LRP1B: variants seen among roughly 807,000 people sequenced by gnomAD.
LRP1B encodes the protein low-density lipoprotein receptor-related protein 1B.
Under a neutral mutation model 556.6 loss-of-function variants are expected in LRP1B, and 217 were observed. The observed-to-expected ratio is 0.39, with a 90% CI of 0.35 to 0.44. The LOEUF (loss-of-function observed/expected upper bound fraction) is 0.44, where lower values mean the gene tolerates loss of function less well. Ranked by LOEUF, LRP1B falls within the 20% of genes least tolerant of loss-of-function variation. The pLI, the probability that LRP1B is intolerant of heterozygous loss-of-function variation, is 1.00. For synonymous variants in LRP1B, 2,047 were observed against 1,865.8 expected (o/e 1.10, Z -2.50); for missense variants, 5,053 against 5,620.8 (o/e 0.90, Z 3.23).
At chr2:141,762,568 C>T (rs1347037653) in intron 2 of LRP1B, among the ~76,000 whole-genome samples, 1 of 151,442 alleles carries the variant, frequency 6.6e-6, no homozygotes, top group Non-Finnish European at 1.5e-5. Context: ...TTTTTTTACT[C>T]CGTATAGTGT....
At chr2:141,643,928 T>C (rs1427798916) in intron 2 of LRP1B, among the ~76,000 whole-genome samples, 1 of 152,020 alleles carries the variant, frequency 6.6e-6, no homozygotes, top group East Asian at 1.9e-4. Context: ...AGAATAGGTT[T>C]AGAACATCAA....
At chr2:141,731,284 T>G (rs981615103) in intron 2 of LRP1B, among the ~76,000 whole-genome samples, 12 of 152,100 alleles carry the variant, frequency 7.9e-5, no homozygotes, top group Non-Finnish European at 1.8e-4. Context: ...TGTCTGGGCC[T>G]GCTTGAATCT....
chr2:141,275,355 C>A (rs1244519236), intron 3 of LRP1B, among the ~76,000 whole-genome samples: 2 of 152,100 alleles, frequency 1.3e-5, no homozygotes, highest in Admixed American at 1.3e-4. Context: ...TCTAAGCAAA[C>A]AAAATATTCA....
At chr2:141,137,252 A>C (rs1574112713) in intron 7 of LRP1B, among the ~76,000 whole-genome samples, 1 of 151,982 alleles carries the variant, frequency 6.6e-6, no homozygotes, top group African/African-American at 2.4e-5. Flanking sequence ...AAATTAGGTT[A>C]TATGTTAGTT....
At chr2:141,471,021 A>G (rs1212554913) in intron 3 of LRP1B, among the ~76,000 whole-genome samples, 3 of 152,130 alleles carry the variant, frequency 2.0e-5, no homozygotes, top group African/African-American at 7.2e-5. Flanking sequence ...TTTCATTTAC[A>G]CAAACTACAT....
At chr2:140,651,526 T>TAAAAAAAAAA (rs558677783) in intron 41 of LRP1B, among the ~76,000 whole-genome samples, 7 of 107,022 alleles carry the variant, frequency 6.5e-5, no homozygotes, top group Admixed American at 1.0e-4. Flanking sequence ...ATACAAAAAT[T>TAAAAAAAAAA]AAAAAAAAAA....
chr2:140,999,785 T>G (rs1697359603), intron 15 of LRP1B, among the ~76,000 whole-genome samples: 1 of 151,982 alleles, frequency 6.6e-6, no homozygotes, highest in South Asian at 2.1e-4. Context: ...AAGAAGAAAC[T>G]ACATAAGGCA....
At chr2:141,519,022 ACT>A (rs1346302093) in intron 2 of LRP1B, among the ~76,000 whole-genome samples, 1 of 83,948 alleles carries the variant, frequency 1.2e-5, no homozygotes, top group South Asian at 5.8e-4. Flanking sequence ...TGCAAACAAG[ACT>A]CTGAGAACTT....
intron 1 of LRP1B, among the ~76,000 whole-genome samples, chr2:142,065,762 A>G (rs1705087189): frequency 2.6e-5 from 4 of 151,376 alleles, no homozygotes; most frequent in African/African-American, 9.7e-5. Flanking sequence ...CCCCATTCCA[A>G]AATTTTCCAA....
chr2:141,765,092 TACAA>T (rs1553461072), intron 2 of LRP1B, among the ~76,000 whole-genome samples: 12 of 89,092 alleles, frequency 1.3e-4, no homozygotes, highest in South Asian at 3.4e-4. Flanking sequence ...TGCCATTTCA[TACAA>T]ACAAACAAAC....
intron 66 of LRP1B, among the ~76,000 whole-genome samples, chr2:140,387,590 A>C (rs1683815731): frequency 6.6e-6 from 1 of 150,820 alleles, no homozygotes; most frequent in African/African-American, 2.4e-5. Context: ...TTTTTTTTTA[A>C]GTATTGCCTG....
At chr2:141,079,018 T>A (rs55680571) in intron 7 of LRP1B, among the ~76,000 whole-genome samples, 4 of 152,178 alleles carry the variant, frequency 2.6e-5, no homozygotes, top group Non-Finnish European at 5.9e-5. Flanking sequence ...ACTCCAGGTC[T>A]CTTAATGTAT....
At chr2:141,610,812 C>A (rs77833736) in intron 2 of LRP1B, among the ~76,000 whole-genome samples, 2 of 152,072 alleles carry the variant, frequency 1.3e-5, no homozygotes, top group Non-Finnish European at 2.9e-5. Flanking sequence ...AAGGAAAAAC[C>A]GGAGCATTGA....
intron 7 of LRP1B, among the ~76,000 whole-genome samples, chr2:141,183,511 G>A (rs1021568872): frequency 6.6e-6 from 1 of 151,962 alleles, no homozygotes; most frequent in African/African-American, 2.4e-5. Flanking sequence ...AACTTGAGAT[G>A]AGCTTCACTC....
intron 27 of LRP1B, among the ~76,000 whole-genome samples, chr2:140,865,622 C>G (rs1440824626): frequency 6.6e-6 from 1 of 151,956 alleles, no homozygotes; most frequent in African/African-American, 2.4e-5. Flanking sequence ...GTAGAATGTT[C>G]TCTGATCACT....
intron 3 of LRP1B, among the ~76,000 whole-genome samples, chr2:141,393,612 C>T (rs996873472): frequency 6.6e-6 from 1 of 152,090 alleles, no homozygotes; most frequent in South Asian, 2.1e-4. Context: ...AATCAAAAAA[C>T]GACAATTACA....
intron 2 of LRP1B, among the ~76,000 whole-genome samples, chr2:141,629,892 G>C (rs939597398): frequency 9.2e-5 from 14 of 152,026 alleles, no homozygotes; most frequent in African/African-American, 3.4e-4. Context: ...TAAATCCTCT[G>C]TTCCCACCAA....
intron 60 of LRP1B, among the ~76,000 whole-genome samples, chr2:140,464,871 G>A (rs893870031): frequency 1.3e-5 from 2 of 152,142 alleles, no homozygotes; most frequent in South Asian, 2.1e-4. Flanking sequence ...GTTTACATGA[G>A]TTTAGTATCT....
At chr2:140,480,215 A>T (rs936329445) in intron 59 of LRP1B, among the ~76,000 whole-genome samples, 1 of 152,216 alleles carries the variant, frequency 6.6e-6, no homozygotes, top group Non-Finnish European at 1.5e-5. Context: ...TTACAGAGGA[A>T]GTAATATTTC....
Sources: allele counts gnomAD v4.1 joint callset (sites outside exome capture counted in the v4.1 genomes callset), GRCh38; gene constraint gnomAD v4.1.1; transcripts MANE v1.5; gene names NCBI Gene and HGNC (gene_info 2026-07-23, HGNC 2026-07-21).